TENM2: variants seen among roughly 807,000 people sequenced by gnomAD.
TENM2 encodes the protein teneurin transmembrane protein 2.
TENM2 carries 52 observed loss-of-function variants against 245.2 expected under a neutral mutation model. The observed-to-expected ratio is 0.21, with a 90% CI of 0.17 to 0.27. TENM2 has a LOEUF of 0.27. TENM2 is among the 10% of genes least tolerant of loss of function. TENM2 has a pLI of 1.00. For missense variants in TENM2, 3,046 were observed against 3,666.8 expected (o/e 0.83, Z 4.37); for synonymous variants, 1,363 against 1,438.9 (o/e 0.95, Z 1.19).
intron 3 of TENM2, among the ~76,000 whole-genome samples, chr5:167,910,089 T>C (rs532600021): frequency 6.6e-6 from 1 of 152,260 alleles, no homozygotes; most frequent in East Asian, 1.9e-4. Flanking sequence ...AATTTATCTA[T>C]CTACAATGCA....
the TENM2 span, among the ~76,000 whole-genome samples, chr5:167,196,637 T>C: frequency 6.6e-6 from 1 of 151,728 alleles, no homozygotes; most frequent in South Asian, 2.1e-4. Context: ...GTCATCCCTC[T>C]ATATTCGTGG....
At chr5:167,998,803 T>C (rs1486864090) in intron 5 of TENM2, among the ~76,000 whole-genome samples, 1 of 152,286 alleles carries the variant, frequency 6.6e-6, no homozygotes, top group East Asian at 1.9e-4. Context: ...CTGACTTTGA[T>C]CTGGAAAGAA....
chr5:167,720,828 A>G (rs922015188), intron 2 of TENM2, among the ~76,000 whole-genome samples: 2 of 152,196 alleles, frequency 1.3e-5, no homozygotes, highest in African/African-American at 4.8e-5. Flanking sequence ...TATTGTTTAC[A>G]TATTACACTG....
At chr5:167,439,019 C>G (rs1364654194) in intron 2 of TENM2, among the ~76,000 whole-genome samples, 1 of 151,948 alleles carries the variant, frequency 6.6e-6, no homozygotes, top group East Asian at 1.9e-4. Flanking sequence ...GTCTCAAACT[C>G]CTGACCTCAG....
intron 25 of TENM2, among the ~76,000 whole-genome samples, chr5:168,241,691 A>G (rs946628759): frequency 2.0e-5 from 3 of 152,094 alleles, no homozygotes; most frequent in African/African-American, 4.8e-5. Context: ...CCACTTGTCT[A>G]GTTATGGGAC....
At chr5:167,184,844 C>T in the TENM2 span, among the ~76,000 whole-genome samples, 1 of 152,070 alleles carries the variant, frequency 6.6e-6, no homozygotes, top group Non-Finnish European at 1.5e-5. Flanking sequence ...AGAACCTAAA[C>T]CTGGAATTCT....
intron 9 of TENM2, among the ~76,000 whole-genome samples, chr5:168,100,451 A>G (rs1158247635): frequency 2.6e-5 from 4 of 152,190 alleles, no homozygotes; most frequent in Admixed American, 2.6e-4. Context: ...TTATTGCAGC[A>G]CTATTCACAA....
intron 2 of TENM2, among the ~76,000 whole-genome samples, chr5:167,843,127 C>T (rs1353686151): frequency 2.6e-5 from 4 of 152,162 alleles, no homozygotes; most frequent in African/African-American, 9.7e-5. Context: ...GCACAGTAGA[C>T]ACTCAATACA....
chr5:167,356,107 G>A (rs899690323), intron 1 of TENM2, among the ~76,000 whole-genome samples: 35 of 139,132 alleles, frequency 2.5e-4, no homozygotes, highest in African/African-American at 7.8e-4. Flanking sequence ...GTTTGAACCC[G>A]GGAGACGGTG....
the TENM2 span, among the ~76,000 whole-genome samples, chr5:167,278,242 T>C: frequency 1.3e-5 from 2 of 152,188 alleles, no homozygotes; most frequent in Non-Finnish European, 2.9e-5. Flanking sequence ...AAGTCAAGGC[T>C]TCAGTGAGTT....
intron 2 of TENM2, among the ~76,000 whole-genome samples, chr5:167,785,452 A>G (rs1049935850): frequency 2.0e-5 from 3 of 152,214 alleles, no homozygotes; most frequent in Non-Finnish European, 1.5e-5. Context: ...AGAGTAGCTA[A>G]CACACAATTG....
chr5:167,101,483 A>C, the TENM2 span, among the ~76,000 whole-genome samples: 1 of 152,052 alleles, frequency 6.6e-6, no homozygotes, highest in African/African-American at 2.4e-5. Context: ...CCATCCTACA[A>C]GCTCCTGTGC....
At chr5:167,203,832 A>G in the TENM2 span, among the ~76,000 whole-genome samples, 4 of 152,090 alleles carry the variant, frequency 2.6e-5, no homozygotes, top group African/African-American at 9.7e-5. Context: ...AGATGAAAAC[A>G]GTAAATCTTG....
chr5:168,036,544 G>C (rs1180003609), intron 5 of TENM2, among the ~76,000 whole-genome samples: 1 of 151,304 alleles, frequency 6.6e-6, no homozygotes, highest in African/African-American at 2.4e-5. Context: ...GCTGAGGCTA[G>C]ATAATCGCTT....
At chr5:167,077,471 C>G in the TENM2 span, among the ~76,000 whole-genome samples, 1 of 152,118 alleles carries the variant, frequency 6.6e-6, no homozygotes, top group Non-Finnish European at 1.5e-5. Context: ...CGTATTTTGT[C>G]TTTCAGTCTG....
intron 1 of TENM2, chr5:167,296,485 A>G (rs114739069): frequency 2.6e-5 from 4 of 152,284 alleles, no homozygotes; most frequent in African/African-American, 7.2e-5. Flanking sequence ...GTTAGTTTCA[A>G]TGGACATATT....
chr5:167,279,799 C>T (rs1023305120), upstream of TENM2, among the ~76,000 whole-genome samples: 6 of 151,948 alleles, frequency 3.9e-5, no homozygotes, highest in African/African-American at 2.4e-5. Flanking sequence ...TTCTGTTTTC[C>T]ATTTGTTTCA....
At chr5:167,624,543 C>T (rs547239965) in intron 2 of TENM2, among the ~76,000 whole-genome samples, 6 of 152,242 alleles carry the variant, frequency 3.9e-5, no homozygotes, top group South Asian at 2.1e-4. Flanking sequence ...AACCTGCACA[C>T]GTACCTGAAT....
intron 14 of TENM2, among the ~76,000 whole-genome samples, chr5:168,191,220 G>A (rs900478893): frequency 1.3e-5 from 2 of 152,186 alleles, no homozygotes; most frequent in Non-Finnish European, 2.9e-5. Flanking sequence ...GATTCATTTT[G>A]TCTTCAACTT....
Sources: allele counts gnomAD v4.1 joint callset (sites outside exome capture counted in the v4.1 genomes callset), GRCh38; gene constraint gnomAD v4.1.1; transcripts MANE v1.5; gene names NCBI Gene and HGNC (gene_info 2026-07-23, HGNC 2026-07-21).